GRIK1: variants seen among roughly 807,000 people sequenced by gnomAD.
GRIK1 encodes glutamate ionotropic receptor kainate type subunit 1.
Under a neutral mutation model 105.7 loss-of-function variants are expected in GRIK1, and 69 were observed. That is an observed-to-expected ratio of 0.65 (90% CI 0.54 to 0.80). The LOEUF is 0.80. GRIK1 is among the 30% of genes least tolerant of loss of function. GRIK1 has a pLI of 0.00. For synonymous variants in GRIK1, 438 were observed against 431.3 expected, an observed-to-expected ratio of 1.02 and a Z score of -0.19; for missense variants, 1,109 against 1,167.3, an observed-to-expected ratio of 0.95 and a Z score of 0.73.
rs369101785 is a variant in GRIK1, at chr21:29,693,913, A to G, written c.269T>C (p.Phe90Ser). The G allele has an allele frequency of 6.2e-7, 1 of 1,613,214 alleles. No homozygotes were observed. The highest frequency in any genetic ancestry group is 8.5e-7 in the Non-Finnish European group (1 of 1,179,324). Residue 90 changes from phenylalanine to serine, a missense_variant, in exon 2 of 18, where the codon TTT becomes TCT. Transcript: ENST00000327783. ...DIQRINLFDS[F>S]EASRRACDQL... ...ATAGTTACCTCTCCGCGAGGCTTCAAAACTATCAAAAAGGTTAATTCTCTG... is the reference window on the plus strand; with the variant it reads ...ATAGTTACCTCTCCGCGAGGCTTCAGAACTATCAAAAAGGTTAATTCTCTG...
At chr21:29,790,642 G>T (rs1021201748) in intron 1 of GRIK1, among the ~76,000 whole-genome samples, 6 of 151,724 alleles carry the variant, frequency 4.0e-5, no homozygotes, top group Admixed American at 1.3e-4. Flanking sequence ...TTGTAGAGAT[G>T]AGGTCTCACT....
At chr21:29,847,835 T>C (rs191775723) in intron 1 of GRIK1, among the ~76,000 whole-genome samples, 30 of 152,282 alleles carry the variant, frequency 2.0e-4, no homozygotes, top group Non-Finnish European at 4.1e-4. Flanking sequence ...CTCAACAGTA[T>C]TGCTGTGATA....
At chr21:29,883,639 T>C (rs908954618) in intron 1 of GRIK1, among the ~76,000 whole-genome samples, 3 of 152,064 alleles carry the variant, frequency 2.0e-5, no homozygotes, top group Non-Finnish European at 4.4e-5. Flanking sequence ...GCATCAGTGT[T>C]ATCAGGTATC....
At chr21:29,783,868 G>A (rs1341610072) in intron 1 of GRIK1, among the ~76,000 whole-genome samples, 1 of 152,104 alleles carries the variant, frequency 6.6e-6, no homozygotes, top group African/African-American at 2.4e-5. Context: ...ACAGAAAAAC[G>A]TTTCTTTTAC....
intron 1 of GRIK1, chr21:29,861,666 A>C: frequency 2.2e-6 from 1 of 458,430 alleles, no homozygotes; most frequent in Non-Finnish European, 4.3e-6. Flanking sequence ...AATCTTTCTA[A>C]TGAATGAATA....
chr21:29,921,273 A>C (rs2071183983), intron 1 of GRIK1, among the ~76,000 whole-genome samples: 1 of 152,132 alleles, frequency 6.6e-6, no homozygotes, highest in African/African-American at 2.4e-5. Flanking sequence ...GATTCAAATC[A>C]ATATATAAGT....
chr21:29,874,033 A>T (rs1255944494), intron 1 of GRIK1, among the ~76,000 whole-genome samples: 1 of 152,176 alleles, frequency 6.6e-6, no homozygotes, highest in Admixed American at 6.5e-5. Flanking sequence ...GCCGCAGCTG[A>T]TCTGAGAGGA....
intron 11 of GRIK1, 101 bp downstream of exon 11, chr21:29,588,738 T>G: frequency 1.4e-6 from 1 of 737,446 alleles, no homozygotes; most frequent in East Asian, 2.5e-5. Context: ...AAAAAAATTG[T>G]TACGATTCAA....
rs557534625 is a variant in GRIK1, at chr21:29,790,544, C to A, written c.119-96481G>T. ...AATCACAGCTCACTGCAGCCTCGAA[C>A]TTCCAGGCTCAGGTGACTCTCCCAC... is the stretch of plus-strand genomic sequence containing the variant. On this transcript the variant is annotated intron_variant, in intron 1 of 17. Transcript: ENST00000327783. Among the ~76,000 whole-genome samples, 3 of 151,986 alleles carry A rather than the reference C, an allele frequency of 2.0e-5. No homozygotes were observed. The South Asian group carries it at 6.2e-4, about 32-fold the overall frequency.
intron 1 of GRIK1, among the ~76,000 whole-genome samples, chr21:29,829,114 C>G (rs2067556880): frequency 6.6e-6 from 1 of 152,108 alleles, no homozygotes; most frequent in South Asian, 2.1e-4. Context: ...CTGAATTAAA[C>G]TCCACAGCTG....
intron 1 of GRIK1, among the ~76,000 whole-genome samples, chr21:29,842,629 T>C (rs975341665): frequency 6.6e-6 from 1 of 152,168 alleles, no homozygotes; most frequent in African/African-American, 2.4e-5. Flanking sequence ...ATGGTGAAAA[T>C]TCATTACTCT....
At chr21:29,716,570 T>C (rs779034643) in intron 1 of GRIK1, among the ~76,000 whole-genome samples, 40 of 152,168 alleles carry the variant, frequency 2.6e-4, no homozygotes, top group Non-Finnish European at 5.0e-4. Flanking sequence ...TCTTGAGAAC[T>C]GGAACAAAGG....
chr21:29,835,378 C>G (rs985239407), intron 1 of GRIK1, among the ~76,000 whole-genome samples: 1 of 152,170 alleles, frequency 6.6e-6, no homozygotes, highest in Non-Finnish European at 1.5e-5. Context: ...AGCACTAGCT[C>G]TGGGTTAAAG....
At chr21:29,865,502 A>C (rs576428111) in intron 1 of GRIK1, among the ~76,000 whole-genome samples, 2 of 151,916 alleles carry the variant, frequency 1.3e-5, no homozygotes, top group East Asian at 3.9e-4. Flanking sequence ...TATCACAGTA[A>C]ACACAATGAA....
At chr21:29,742,746 T>A (rs1443593566) in intron 1 of GRIK1, among the ~76,000 whole-genome samples, 1 of 152,254 alleles carries the variant, frequency 6.6e-6, no homozygotes, top group Non-Finnish European at 1.5e-5. Context: ...TATGGTTTCA[T>A]GTTTTGCACA....
intron 1 of GRIK1, among the ~76,000 whole-genome samples, chr21:29,883,727 A>G (rs1048117217): frequency 6.6e-6 from 1 of 152,016 alleles, no homozygotes; most frequent in African/African-American, 2.4e-5. Flanking sequence ...TGATAGTTTA[A>G]AATTTAAAAA....
intron 7 of GRIK1, among the ~76,000 whole-genome samples, chr21:29,625,911 G>A (rs1243334046): frequency 6.6e-6 from 1 of 152,010 alleles, no homozygotes; most frequent in Non-Finnish European, 1.5e-5. Flanking sequence ...TAAAGTTATG[G>A]GCAAAGTTGT....
intron 1 of GRIK1, among the ~76,000 whole-genome samples, chr21:29,909,763 C>T (rs1349477262): frequency 6.6e-6 from 1 of 152,130 alleles, no homozygotes; most frequent in Non-Finnish European, 1.5e-5. Flanking sequence ...ATCACATGGG[C>T]ATTTACCAAG....
chr21:29,631,358 G>A (rs575462832), intron 7 of GRIK1, among the ~76,000 whole-genome samples: 96 of 152,312 alleles, frequency 6.3e-4, no homozygotes, highest in African/African-American at 2.0e-3. Context: ...ATGGTGGGAT[G>A]AGTGTCCTTG....
Sources: gnomAD v4.1 joint callset for allele counts (sites outside exome capture counted in the v4.1 genomes callset) on GRCh38, gnomAD v4.1.1 for gene constraint, MANE v1.5 for transcripts, NCBI Gene and HGNC (gene_info 2026-07-23, HGNC 2026-07-21) for gene names.